FGF12: variants seen among roughly 807,000 people sequenced by gnomAD.
FGF12 encodes the protein fibroblast growth factor 12.
A neutral mutation model predicts 23.6 loss-of-function variants in FGF12; 14 were observed. That is an observed-to-expected ratio of 0.59 (90% CI 0.39 to 0.93). FGF12 has a LOEUF of 0.93. Ranked by LOEUF, FGF12 falls within the 40% of genes least tolerant of loss-of-function variation. The probability of loss-of-function intolerance (pLI) is 0.00; values close to 1 mark genes in which losing one functional copy is unlikely to be tolerated. For synonymous variants in FGF12, 62 were observed against 77.3 expected (o/e 0.80, Z 1.04); for missense variants, 175 against 217.8 (o/e 0.80, Z 1.24).
chr3:192,395,856 G>A (rs1030303092), intron 2 of FGF12, among the ~76,000 whole-genome samples: 2 of 152,210 alleles, frequency 1.3e-5, no homozygotes, highest in African/African-American at 4.8e-5. Context: ...CTGGGTAAGT[G>A]AAGGATAGGT....
Position 192,408,041 on chromosome 3 carries a change from C to T in FGF12, c.14-47503G>A, listed in dbSNP as rs1275134906. On this transcript the variant is annotated intron_variant, in intron 2 of 5. Coordinates refer to ENST00000445105, the MANE Select transcript of FGF12 (RefSeq NM_004113.6). The surrounding 1 kb of genome is among the most constrained non-coding windows in gnomAD (Gnocchi z 7.3). ...TCTACTGACCTGGTCTCCGCCTCAC[C>T]GGCCTCTTGCGGCCGCTGCAGAAGC... is the stretch of plus-strand genomic sequence containing the variant. 6 of 1,611,366 alleles carry T rather than the reference C, an allele frequency of 3.7e-6. No homozygotes were observed. In the African/African-American group the frequency reaches 4.0e-5, roughly 11 times the overall value.
chr3:192,245,692 T>C (rs1711530946), intron 4 of FGF12, among the ~76,000 whole-genome samples: 1 of 152,148 alleles, frequency 6.6e-6, no homozygotes, highest in Admixed American at 6.5e-5. Flanking sequence ...AAGAATATAA[T>C]AGAATTTAAT....
chr3:192,426,061 A>C (rs552392163), intron 2 of FGF12, among the ~76,000 whole-genome samples: 1 of 152,228 alleles, frequency 6.6e-6, no homozygotes, highest in Non-Finnish European at 1.5e-5. Flanking sequence ...ATCTGTTTTC[A>C]TAAGTAGAAA....
intron 2 of FGF12, among the ~76,000 whole-genome samples, chr3:192,607,574 A>G (rs1714385349): frequency 6.6e-6 from 1 of 152,174 alleles, no homozygotes; most frequent in Non-Finnish European, 1.5e-5. Context: ...CCTGACATAT[A>G]GCACGCTTTC....
chr3:192,323,328 T>C (rs1345577700), intron 4 of FGF12, among the ~76,000 whole-genome samples: 6 of 152,150 alleles, frequency 3.9e-5, no homozygotes, highest in Admixed American at 2.6e-4. Context: ...CATCAACCGA[T>C]GAATAGATAA....
At chr3:192,192,721 A>C (rs569452205) in intron 4 of FGF12, among the ~76,000 whole-genome samples, 1 of 152,060 alleles carries the variant, frequency 6.6e-6, no homozygotes, top group African/African-American at 2.4e-5. Flanking sequence ...TGAGACAATG[A>C]AAAATAAAAG....
intron 2 of FGF12, among the ~76,000 whole-genome samples, chr3:192,382,872 A>G (rs1428246483): frequency 1.3e-5 from 2 of 152,222 alleles, no homozygotes; most frequent in Admixed American, 6.5e-5. Flanking sequence ...CATAAGAATG[A>G]TATCTAATCT....
intron 2 of FGF12, among the ~76,000 whole-genome samples, chr3:192,616,036 C>A (rs1327905915): frequency 6.6e-6 from 1 of 151,748 alleles, no homozygotes; most frequent in African/African-American, 2.4e-5. Flanking sequence ...TTTATGCTTA[C>A]AAAATTTTTT....
At chr3:192,210,776 G>A (rs918621580) in intron 4 of FGF12, among the ~76,000 whole-genome samples, 1 of 152,160 alleles carries the variant, frequency 6.6e-6, no homozygotes, top group African/African-American at 2.4e-5. Context: ...ATATTATATT[G>A]GAGGAAATGA....
chr3:192,457,977 T>C (rs569316330), intron 2 of FGF12, among the ~76,000 whole-genome samples: 11 of 152,288 alleles, frequency 7.2e-5, no homozygotes, highest in Admixed American at 5.9e-4. Flanking sequence ...TGGCTAAAAG[T>C]GGCCAACATA....
At chr3:192,201,946 A>T (rs2293146) in intron 4 of FGF12, among the ~76,000 whole-genome samples, 1 of 152,190 alleles carries the variant, frequency 6.6e-6, no homozygotes, top group Non-Finnish European at 1.5e-5. Context: ...ACTAATAGTT[A>T]TTAACAATAC....
chr3:192,444,978 A>G (rs1163760957), intron 2 of FGF12, among the ~76,000 whole-genome samples: 1 of 152,186 alleles, frequency 6.6e-6, no homozygotes, highest in Non-Finnish European at 1.5e-5. Flanking sequence ...TTAAAGAAAG[A>G]AAAAAGAGCA....
intron 2 of FGF12, among the ~76,000 whole-genome samples, chr3:192,660,608 G>GC (rs992363321): frequency 2.0e-5 from 3 of 151,956 alleles, no homozygotes; most frequent in African/African-American, 7.3e-5. Context: ...TGTATACTCT[G>GC]TTTTTGGAAA....
rs1724060594 is a variant in FGF12, at chr3:192,499,508, ATATATATATTTTTTTTT to A, written c.14-138987_14-138971del. Reference sequence around the variant, plus strand: ...TGCTAGCATCCATATATATATATATATATATATATTTTTTTTTTTTTTTTTTTTTTTTTTTTTTTTTG... The same window carrying A: ...TGCTAGCATCCATATATATATATATATTTTTTTTTTTTTTTTTTTTTTTTG... On this transcript the variant is annotated intron_variant, in intron 2 of 5. Transcript: ENST00000445105. 1.5e-4 allele frequency among the ~76,000 whole-genome samples: 5 copies of A among 34,154 alleles called. No individual in the cohort carries two copies. The South Asian group carries it at 6.7e-3, about 46-fold the overall frequency. 22.4% of individuals were successfully genotyped at this position (34,154 alleles called of 152,430 possible).
At chr3:192,427,098 G>A (rs1433488571) in intron 2 of FGF12, among the ~76,000 whole-genome samples, 1 of 152,086 alleles carries the variant, frequency 6.6e-6, no homozygotes, top group Non-Finnish European at 1.5e-5. Context: ...GTAGAAGAGT[G>A]TAGGCTGGGC....
chr3:192,167,747 ATATATATATATATATATATATAAAATT>A (rs1220605892), intron 5 of FGF12, among the ~76,000 whole-genome samples: 3 of 24,464 alleles, frequency 1.2e-4, no homozygotes, highest in African/African-American at 2.0e-4. Flanking sequence ...ATATATATAT[ATATATATATATATATATATATAAAATT>A]TTTTTTTTTT....
chr3:192,238,815 C>T (rs1227821911), intron 4 of FGF12: 1 of 152,188 alleles, frequency 6.6e-6, no homozygotes, highest in Non-Finnish European at 1.5e-5. Context: ...ATGTAATCCT[C>T]CTGGAGCACA....
At chr3:192,346,351 T>G (rs1053085049) in intron 3 of FGF12, among the ~76,000 whole-genome samples, 1 of 152,312 alleles carries the variant, frequency 6.6e-6, no homozygotes, top group East Asian at 1.9e-4. Context: ...CTCCACTTCC[T>G]GATTTTGTGC....
At position 192,200,610 on chromosome 3, in the gene FGF12, A is replaced by T. The variant is rs115064205; in HGVS notation, c.229-29954T>A. On this transcript the variant is annotated intron_variant, in intron 4 of 5. Transcript: ENST00000445105. ...ACATGCCAGCGATTATCAAAGCCTC[A>T]CAAGTGTAGACTGCAGTGTCAGTGA... Among the ~76,000 whole-genome samples, 735 of 152,320 alleles carry T rather than the reference A, an allele frequency of 4.8e-3. 7 individuals are homozygous for T. Among genetic ancestry groups the T allele is most frequent in the African/African-American group, 0.017 (711 of 41,568 alleles).
Sources: allele counts gnomAD v4.1 joint callset (sites outside exome capture counted in the v4.1 genomes callset), GRCh38; gene constraint gnomAD v4.1.1; non-coding constraint Gnocchi (gnomAD v3.1); transcripts MANE v1.5; gene names NCBI Gene and HGNC (gene_info 2026-07-23, HGNC 2026-07-21).